Variants in WLS observed in about 807,000 individuals in gnomAD.
The protein encoded by WLS is Wnt ligand secretion mediator.
Under a neutral mutation model 62.8 loss-of-function variants are expected in WLS, and 23 were observed. That is an observed-to-expected ratio of 0.37 (90% confidence interval 0.26 to 0.52). The LOEUF (loss-of-function observed/expected upper bound fraction) is 0.52, where lower values mean the gene tolerates loss of function less well. Ranked by LOEUF, WLS falls within the 20% of genes least tolerant of loss-of-function variation. The pLI is 0.92. For synonymous variants in WLS, 246 were observed against 244.1 expected (o/e 1.01, Z -0.07); for missense variants, 615 against 697.3 (o/e 0.88, Z 1.33).
At chr1:68,101,138 A>G (rs1646072384) in intron 11 of WLS, among the ~76,000 whole-genome samples, 2 of 152,194 alleles carry the variant, frequency 1.3e-5, no homozygotes, top group Admixed American at 1.3e-4. Context: ...TGTTAGAAGT[A>G]AAGCTCTCCT....
chr1:68,178,433 G>A (rs1180632423), intron 2 of WLS, among the ~76,000 whole-genome samples: 1 of 152,202 alleles, frequency 6.6e-6, no homozygotes, highest in Non-Finnish European at 1.5e-5. Context: ...AGGAGTGGTG[G>A]CTTACGCCTG....
chr1:68,110,198 T>G (rs950847315), intron 11 of WLS, among the ~76,000 whole-genome samples: 7 of 151,804 alleles, frequency 4.6e-5, no homozygotes, highest in African/African-American at 1.7e-4. Flanking sequence ...TAGGCAAAAT[T>G]AAATTTTAAA....
At chr1:68,225,420 C>G (rs1348509072) in intron 1 of WLS, among the ~76,000 whole-genome samples, 1 of 152,088 alleles carries the variant, frequency 6.6e-6, no homozygotes, top group Non-Finnish European at 1.5e-5. Context: ...AGAGCTGGCA[C>G]ATTTATTAGG....
chr1:68,120,407 C>T (rs1163823935), downstream of WLS, among the ~76,000 whole-genome samples: 1 of 152,216 alleles, frequency 6.6e-6, no homozygotes, highest in African/African-American at 2.4e-5. Context: ...GCTGGACTAA[C>T]ATCTCCCAAT....
chr1:68,162,717 A>G (rs78215852), intron 2 of WLS: 12 of 1,187,948 alleles, frequency 1.0e-5, no homozygotes, highest in Non-Finnish European at 1.5e-5. Flanking sequence ...CAGACGGGAT[A>G]TTGCACACAG....
intron 2 of WLS, among the ~76,000 whole-genome samples, chr1:68,173,155 T>C (rs1324963238): frequency 6.6e-6 from 1 of 152,230 alleles, no homozygotes; most frequent in Non-Finnish European, 1.5e-5. Context: ...AACCCAATGA[T>C]GAACCAATCT....
intron 11 of WLS, among the ~76,000 whole-genome samples, chr1:68,132,498 C>T (rs1483312507): frequency 6.6e-6 from 1 of 152,188 alleles, no homozygotes; most frequent in African/African-American, 2.4e-5. Context: ...AAGCCAAAGC[C>T]ATCTTTCCTA....
intron 1 of WLS, among the ~76,000 whole-genome samples, chr1:68,209,142 CA>C (rs143341440): frequency 0.11 from 16,196 of 151,954 alleles, 1,136 homozygotes; most frequent in East Asian, 0.37. Context: ...CTGGCAAGTT[CA>C]GGGGGGGTGT....
chr1:68,209,458 T>C (rs1388569134), intron 1 of WLS, among the ~76,000 whole-genome samples: 1 of 152,216 alleles, frequency 6.6e-6, no homozygotes, highest in Non-Finnish European at 1.5e-5. Context: ...TGCTAGGGAC[T>C]TAACAGGGTG....
At chr1:68,121,376 G>A (rs1023264401), downstream of WLS, 5 of 152,202 alleles carry the variant, frequency 3.3e-5, no homozygotes, top group African/African-American at 1.2e-4. Flanking sequence ...TCCAAATAAG[G>A]AAAAGTCACA....
Position 68,126,391 on chromosome 1 carries a change from G to T in WLS, c.1517-56C>A, listed in dbSNP as rs1480599594. Reference sequence around the variant, plus strand: ...TCAAGGAGGAAGGAGAAGCAAGCTGGGGTTCATCTCATGGACAACTGCCCT... The same window carrying T: ...TCAAGGAGGAAGGAGAAGCAAGCTGTGGTTCATCTCATGGACAACTGCCCT... On this transcript the variant is annotated intron_variant, in intron 11 of 11. Transcript: ENST00000262348. The T allele has an allele frequency of 3.1e-6, 5 of 1,606,192 alleles. No individual in the cohort carries two copies. The East Asian group carries it at 9.0e-5, about 29-fold the overall frequency.
Position 68,161,831 on chromosome 1 carries a change from C to T in WLS, c.380-2584G>A, listed in dbSNP as rs534492242. The T allele has an allele frequency of 1.9e-4, 299 of 1,605,020 alleles. No homozygotes were observed. In the African/African-American group the frequency reaches 3.4e-3, roughly 18 times the overall value. Reference sequence around the variant, plus strand: ...GGAGAGGGCGCCTGGGAAGGATGTGCCACTGTTGGGAGGTTGTGAGTCACT... The same window carrying T: ...GGAGAGGGCGCCTGGGAAGGATGTGTCACTGTTGGGAGGTTGTGAGTCACT... On this transcript the variant is annotated intron_variant, in intron 2 of 11. Transcript: ENST00000262348.
chr1:68,183,229 T>C (rs567905863), intron 2 of WLS, among the ~76,000 whole-genome samples: 1 of 152,164 alleles, frequency 6.6e-6, no homozygotes, highest in Non-Finnish European at 1.5e-5. Flanking sequence ...TATAACATAG[T>C]CATAAATTAA....
chr1:68,183,249 G>T (rs757827335), intron 2 of WLS, among the ~76,000 whole-genome samples: 3 of 152,118 alleles, frequency 2.0e-5, no homozygotes, highest in Non-Finnish European at 4.4e-5. Context: ...AAGAAGACAT[G>T]GTCGTAAATG....
downstream of WLS, among the ~76,000 whole-genome samples, chr1:68,120,408 A>G (rs1398520643): frequency 6.6e-6 from 1 of 152,192 alleles, no homozygotes; most frequent in African/African-American, 2.4e-5. Context: ...CTGGACTAAC[A>G]TCTCCCAATA....
At chr1:68,152,248 C>T (rs868749750) in intron 5 of WLS, among the ~76,000 whole-genome samples, 2 of 152,116 alleles carry the variant, frequency 1.3e-5, no homozygotes, top group African/African-American at 4.8e-5. Context: ...TATTTGGGTC[C>T]AGAGTTGGGA....
intron 11 of WLS, among the ~76,000 whole-genome samples, chr1:68,118,875 C>CAAAA (rs33982774): frequency 2.3e-4 from 6 of 26,388 alleles, no homozygotes; most frequent in African/African-American, 7.5e-4. Context: ...GACTCTGTCT[C>CAAAA]AAAAAAAAAA....
chr1:68,225,665 T>C (rs1650112372), intron 1 of WLS, among the ~76,000 whole-genome samples: 1 of 152,228 alleles, frequency 6.6e-6, no homozygotes, highest in Non-Finnish European at 1.5e-5. Flanking sequence ...CCCTCGTTAT[T>C]ATGCATGGGT....
intron 2 of WLS, among the ~76,000 whole-genome samples, chr1:68,164,969 G>T (rs1647039670): frequency 6.6e-6 from 1 of 152,156 alleles, no homozygotes; most frequent in Non-Finnish European, 1.5e-5. Flanking sequence ...CAGGGACCAA[G>T]CTGGCTACAA....
Sources: allele counts gnomAD v4.1 joint callset (sites outside exome capture counted in the v4.1 genomes callset), GRCh38; gene constraint gnomAD v4.1.1; transcripts MANE v1.5; gene names NCBI Gene and HGNC (gene_info 2026-07-23, HGNC 2026-07-21).